The following IL16 variants were observed in gnomAD, a reference collection of about 807,000 sequenced individuals.
IL16 encodes the protein pro-interleukin-16.
Under a neutral mutation model 110.1 loss-of-function variants are expected in IL16, and 67 were observed. The ratio of observed to expected loss-of-function variants is 0.61; its 90% CI spans 0.50 to 0.75. IL16 has a LOEUF of 0.75. IL16 is among the 30% of genes least tolerant of loss of function. The pLI is 0.00. For synonymous variants in IL16, 689 were observed against 662.9 expected (o/e 1.04, Z -0.61); for missense variants, 1,545 against 1,655.0 (o/e 0.93, Z 1.15).
At chr15:81,292,295 C>T (rs1567040181) in intron 11 of IL16, 16 of 514,708 alleles carry the variant, frequency 3.1e-5, no homozygotes, top group South Asian at 3.1e-4. Flanking sequence ...CAAGCCCTTC[C>T]TCGATGGGTG....
chr15:81,279,509 C>T, intron 7 of IL16, 49 bp from the exon 8 acceptor site: 1 of 1,369,194 alleles, frequency 7.3e-7, no homozygotes, highest in Non-Finnish European at 1.0e-6. Context: ...ATTTCTTCAT[C>T]TCACCCTGGA....
At chr15:81,221,011 A>C (rs1224037313) in intron 1 of IL16, among the ~76,000 whole-genome samples, 2 of 152,010 alleles carry the variant, frequency 1.3e-5, no homozygotes, top group Non-Finnish European at 2.9e-5. Context: ...ACTGATAACT[A>C]TGATGATGAG....
In IL16 at chr15:81,259,768, G is replaced by T; in HGVS notation, c.313-4G>T. Reference sequence around the variant, plus strand: ...TGAATAAAAAGACGGCAATTGTTTTGCAGGAATCTTCCACAGCTTCCTCTC... The same window carrying T: ...TGAATAAAAAGACGGCAATTGTTTTTCAGGAATCTTCCACAGCTTCCTCTC... On this transcript the variant is annotated splice_polypyrimidine_tract_variant and splice_region_variant and intron_variant, in intron 2 of 18. Transcript: ENST00000683961. 1 of 1,601,270 alleles carries T rather than the reference G, an allele frequency of 6.2e-7. No homozygotes were observed. The highest frequency in any genetic ancestry group is 8.6e-7 in the Non-Finnish European group (1 of 1,168,652).
At chr15:81,296,193 G>T (rs1289298641) in intron 12 of IL16, among the ~76,000 whole-genome samples, 6 of 152,194 alleles carry the variant, frequency 3.9e-5, no homozygotes, top group African/African-American at 9.7e-5. Context: ...GGATGGAACT[G>T]GTCTCTCTGT....
chr15:81,190,947 A>T (rs1382815066), intron 1 of IL16, among the ~76,000 whole-genome samples: 1 of 152,210 alleles, frequency 6.6e-6, no homozygotes, highest in Non-Finnish European at 1.5e-5. Flanking sequence ...AGGGTAGGAT[A>T]AGTACATGCT....
At chr15:81,237,635 C>T (rs538744063) in intron 2 of IL16, among the ~76,000 whole-genome samples, 1 of 152,142 alleles carries the variant, frequency 6.6e-6, no homozygotes, top group African/African-American at 2.4e-5. Flanking sequence ...CATTCTCACT[C>T]CTCTCTAAGG....
At chr15:81,288,835 G>A (rs77431467) in intron 10 of IL16, among the ~76,000 whole-genome samples, 11 of 120,080 alleles carry the variant, frequency 9.2e-5, no homozygotes, top group Admixed American at 6.4e-4. Flanking sequence ...GTGTATGTGT[G>A]TGTGTGTGTG....
chr15:81,238,141 A>T (rs1189211158), intron 2 of IL16, among the ~76,000 whole-genome samples: 1 of 152,096 alleles, frequency 6.6e-6, no homozygotes, highest in Non-Finnish European at 1.5e-5. Flanking sequence ...TGACCTCGTG[A>T]TCCACCCACC....
In IL16 at chr15:81,303,395, A is replaced by G. The variant is rs1449692284; in HGVS notation, c.3319-154A>G. On this transcript the variant is annotated intron_variant, in intron 15 of 18. Coordinates refer to ENST00000683961, the MANE Select transcript of IL16 (RefSeq NM_172217.5). This position sits in a 1 kb window ranked among gnomAD's most constrained non-coding sequence, Gnocchi z 4.1. ...CATGACTCCTGAAGGTCCATTCTTT[A>G]CAGATGAGGAAACTGAGGTTTGAGG... is the stretch of plus-strand genomic sequence containing the variant. 1.1e-5 allele frequency: 7 copies of G among 611,002 alleles called. 1 individual carries two copies. The highest frequency in any genetic ancestry group is 3.7e-5 in the African/African-American group (2 of 54,120). The allele number at this position is 611,002 out of a possible 1,614,324, so 37.8% of individuals were successfully genotyped here.
chr15:81,304,419 A>G lies in IL16; in HGVS notation c.3420+769A>G, dbSNP rs74530621. Among the ~76,000 whole-genome samples, 1,115 of 152,344 alleles carry G rather than the reference A, an allele frequency of 7.3e-3. 35 individuals carry two copies. Among genetic ancestry groups the G allele is most frequent in the Admixed American group, 0.06 (926 of 15,306 alleles). On this transcript the variant is annotated intron_variant, in intron 16 of 18. Coordinates refer to ENST00000683961, the MANE Select transcript of IL16 (RefSeq NM_172217.5). The stretch of plus-strand genomic sequence containing the variant: ...CAACTTCTGTCCACGTCATCTGGCC[A>G]GTCACCCTTGAGACACTGCAGACAA...
intron 2 of IL16, among the ~76,000 whole-genome samples, chr15:81,240,659 T>G (rs60317813): frequency 0.24 from 35,849 of 151,946 alleles, 4,879 homozygotes; most frequent in African/African-American, 0.37. Context: ...ACTTCAATGT[T>G]ATATACTCAT....
At chr15:81,276,037 C>T (rs971162631) in intron 6 of IL16, among the ~76,000 whole-genome samples, 7 of 152,096 alleles carry the variant, frequency 4.6e-5, no homozygotes, top group African/African-American at 1.7e-4. Flanking sequence ...GAAGTCTAGC[C>T]CCTTAGGTAA....
At chr15:81,297,396 C>T (rs1900042670) in intron 13 of IL16, among the ~76,000 whole-genome samples, 1 of 152,150 alleles carries the variant, frequency 6.6e-6, no homozygotes, top group Non-Finnish European at 1.5e-5. Flanking sequence ...TGGGCAGCTA[C>T]CTCTAGGGTG....
chr15:81,269,754 G>T, intron 5 of IL16, 106 bp downstream of exon 5: 1 of 773,890 alleles, frequency 1.3e-6, no homozygotes. Flanking sequence ...GGGTGTCCTG[G>T]CGCATCAGAA....
chr15:81,236,958 CAAA>C (rs1230710474), intron 2 of IL16, among the ~76,000 whole-genome samples: 7 of 151,860 alleles, frequency 4.6e-5, no homozygotes, highest in Non-Finnish European at 1.0e-4. Context: ...GACTCCATCT[CAAA>C]AAAAGAAAGG....
At chr15:81,204,173 G>C (rs1320057386) in intron 1 of IL16, among the ~76,000 whole-genome samples, 2 of 152,174 alleles carry the variant, frequency 1.3e-5, no homozygotes, top group African/African-American at 4.8e-5. Flanking sequence ...CATTGATTTT[G>C]TATCCTGAGA....
At chr15:81,274,563 T>A (rs889685577) in intron 6 of IL16, among the ~76,000 whole-genome samples, 3 of 152,226 alleles carry the variant, frequency 2.0e-5, no homozygotes, top group African/African-American at 7.2e-5. Flanking sequence ...GACAGCAGAT[T>A]CATCAGTAAC....
At chr15:81,297,893 T>C (rs917648329) in intron 13 of IL16, among the ~76,000 whole-genome samples, 10 of 151,556 alleles carry the variant, frequency 6.6e-5, no homozygotes, top group Non-Finnish European at 1.5e-4. Flanking sequence ...TATGACTGTT[T>C]GAGTAACACT....
In IL16 at chr15:81,232,042, GTTTTTTTTT is replaced by G; in HGVS notation, c.312+6347_312+6355del. 9.0e-3 allele frequency among the ~76,000 whole-genome samples: 522 copies of G among 57,718 alleles called. 3 individuals are homozygous for G. The highest frequency in any genetic ancestry group is 0.027 in the Middle Eastern group (2 of 74). 37.9% of individuals were successfully genotyped at this position (57,718 alleles called of 152,430 possible). On this transcript the variant is annotated intron_variant, in intron 2 of 18. Transcript: ENST00000683961. ...ATGTAAGTCCTCCACATTTGTTCTT[GTTTTTTTTT>G]TTTTTTTTTTTTTTTCTTTTTTTTT...
Sources: allele counts gnomAD v4.1 joint callset (sites outside exome capture counted in the v4.1 genomes callset), GRCh38; gene constraint gnomAD v4.1.1; non-coding constraint Gnocchi (gnomAD v3.1); transcripts MANE v1.5; gene names NCBI Gene and HGNC (gene_info 2026-07-23, HGNC 2026-07-21).